The following SMAP1 variants were observed in gnomAD, a reference collection of about 807,000 sequenced individuals.
SMAP1 encodes stromal membrane-associated protein 1.
Under a neutral mutation model 58.5 loss-of-function variants are expected in SMAP1, and 24 were observed. The observed-to-expected ratio is 0.41, with a 90% CI of 0.30 to 0.58. The LOEUF is 0.58. Among genes scored for constraint, SMAP1 ranks in the 20% least tolerant of loss-of-function variants. The pLI, the probability that SMAP1 is intolerant of heterozygous loss-of-function variation, is 0.29. For synonymous variants in SMAP1, 216 were observed against 196.6 expected (o/e 1.10, Z -0.82); for missense variants, 563 against 566.3 (o/e 0.99, Z 0.06).
intron 3 of SMAP1, among the ~76,000 whole-genome samples, chr6:70,757,797 A>G (rs1414585478): frequency 3.3e-5 from 5 of 152,270 alleles, no homozygotes; most frequent in Non-Finnish European, 7.3e-5. Flanking sequence ...GATTAGAGAA[A>G]TGCAAATCAA....
chr6:70,801,957 C>T (rs901794368), intron 6 of SMAP1, among the ~76,000 whole-genome samples: 1 of 152,162 alleles, frequency 6.6e-6, no homozygotes, highest in Non-Finnish European at 1.5e-5. Flanking sequence ...GTGATGTCTC[C>T]AGCTTTGTTC....
chr6:70,791,546 A>G (rs1768352588), intron 4 of SMAP1, 143 bp from the exon 5 acceptor site: 1 of 558,192 alleles, frequency 1.8e-6, no homozygotes, highest in East Asian at 2.9e-5. Flanking sequence ...TTATTTCTTG[A>G]TGCATTGTTT....
chr6:70,828,832 C>T (rs2149990129), intron 6 of SMAP1, among the ~76,000 whole-genome samples: 1 of 152,314 alleles, frequency 6.6e-6, no homozygotes, highest in South Asian at 2.1e-4. Context: ...GGTGATTGCT[C>T]CACTGTACTC....
chr6:70,784,488 A>G (rs1323982822), intron 4 of SMAP1, among the ~76,000 whole-genome samples: 4 of 152,372 alleles, frequency 2.6e-5, no homozygotes, highest in African/African-American at 4.8e-5. Flanking sequence ...AAATGCTCCA[A>G]TTAAAAGACA....
intron 2 of SMAP1, among the ~76,000 whole-genome samples, chr6:70,736,007 G>A (rs912110162): frequency 6.6e-6 from 1 of 151,110 alleles, no homozygotes; most frequent in African/African-American, 2.4e-5. Flanking sequence ...AATGTTCTTT[G>A]TGTGTGTGTG....
intron 2 of SMAP1, among the ~76,000 whole-genome samples, chr6:70,734,264 G>C (rs1375838854): frequency 6.6e-6 from 1 of 152,032 alleles, no homozygotes; most frequent in Non-Finnish European, 1.5e-5. Flanking sequence ...TCCTGCCTCA[G>C]CCTCCCAAGT....
chr6:70,811,021 A>G (rs1047402373), intron 6 of SMAP1, among the ~76,000 whole-genome samples: 4 of 152,324 alleles, frequency 2.6e-5, no homozygotes, highest in East Asian at 3.9e-4. Flanking sequence ...ACTTCTTACA[A>G]TCAATTTTTA....
rs1768077900 is a variant in SMAP1, at chr6:70,712,050, T to G, written c.119-20328T>G. Among the ~76,000 whole-genome samples the G allele has an allele frequency of 2.0e-5, 3 of 152,172 alleles. No individual in the cohort carries two copies. In the South Asian group the frequency reaches 6.2e-4, roughly 31 times the overall value. Reference sequence around the variant, plus strand: ...TTTCAGTTTCTCCCCCACAGATTATTATGTTTGCTTTGAGTTTTTCATAAA... The same window carrying G: ...TTTCAGTTTCTCCCCCACAGATTATGATGTTTGCTTTGAGTTTTTCATAAA... On this transcript the variant is annotated intron_variant, in intron 1 of 10. Transcript: ENST00000370455.
At chr6:70,681,772 A>T in intron 1 of SMAP1, among the ~76,000 whole-genome samples, 1 of 152,154 alleles carries the variant, frequency 6.6e-6, no homozygotes, top group Non-Finnish European at 1.5e-5. Context: ...TTTCTTGAGG[A>T]GTTGTGTTAT....
chr6:70,793,287 G>A (rs1255163983), intron 5 of SMAP1, among the ~76,000 whole-genome samples: 1 of 152,050 alleles, frequency 6.6e-6, no homozygotes, highest in African/African-American at 2.4e-5. Context: ...CCCGACTCGG[G>A]CTCCCAAAGT....
At chr6:70,673,083 A>G (rs371812508) in intron 1 of SMAP1, among the ~76,000 whole-genome samples, 1 of 152,198 alleles carries the variant, frequency 6.6e-6, no homozygotes, top group Non-Finnish European at 1.5e-5. Context: ...ATGTCAATAT[A>G]TAAGTCAGGG....
At chr6:70,679,910 G>A (rs1020354211) in intron 1 of SMAP1, among the ~76,000 whole-genome samples, 2 of 151,982 alleles carry the variant, frequency 1.3e-5, no homozygotes, top group South Asian at 4.2e-4. Context: ...GAAATGCAAG[G>A]GACCTTCCAA....
chr6:70,678,145 G>A (rs1766560023), intron 1 of SMAP1, among the ~76,000 whole-genome samples: 1 of 152,146 alleles, frequency 6.6e-6, no homozygotes. Context: ...AGGGTCCGAA[G>A]GAAAGAGAAT....
intron 1 of SMAP1, among the ~76,000 whole-genome samples, chr6:70,722,987 G>A (rs1029127307): frequency 3.9e-5 from 6 of 152,196 alleles, no homozygotes; most frequent in Non-Finnish European, 8.8e-5. Context: ...CAGCAGTACC[G>A]ATTGTGCTGT....
intron 7 of SMAP1, among the ~76,000 whole-genome samples, chr6:70,841,715 G>C (rs1770814524): frequency 6.6e-6 from 1 of 152,128 alleles, no homozygotes; most frequent in Non-Finnish European, 1.5e-5. Flanking sequence ...GATGAGAAAA[G>C]TTTGCAAATT....
chr6:70,835,889 C>T (rs962652381), intron 6 of SMAP1, among the ~76,000 whole-genome samples: 7 of 152,064 alleles, frequency 4.6e-5, no homozygotes, highest in South Asian at 2.1e-4. Flanking sequence ...TTCTGTCCTA[C>T]GCAATGTTTT....
At chr6:70,760,589 A>G (rs764655498) in intron 3 of SMAP1, among the ~76,000 whole-genome samples, 11 of 152,066 alleles carry the variant, frequency 7.2e-5, no homozygotes, top group South Asian at 2.1e-4. Flanking sequence ...GAGGCTGGTA[A>G]GAAAACCGGC....
chr6:70,762,822 A>T (rs938311751), intron 3 of SMAP1, among the ~76,000 whole-genome samples: 1 of 152,070 alleles, frequency 6.6e-6, no homozygotes, highest in Non-Finnish European at 1.5e-5. Context: ...TTCTGAAAGG[A>T]TTTCTTATTG....
Position 70,860,413 on chromosome 6 carries a change from T to C in SMAP1, c.*79T>C. The C allele has an allele frequency of 6.7e-7, 1 of 1,502,202 alleles. No homozygotes were observed. The highest frequency in any genetic ancestry group is 1.4e-5 in the South Asian group (1 of 73,738). 93.1% of individuals were successfully genotyped at this position (1,502,202 alleles called of 1,614,324 possible). A position where few individuals can be genotyped will look rare whatever the true frequency, so the allele number is the denominator to read the frequency against. On this transcript the variant is annotated 3_prime_UTR_variant, in exon 11 of 11. Coordinates refer to ENST00000370455, the MANE Select transcript of SMAP1 (RefSeq NM_001044305.3). ...CGCATCTAGTTCCCCTGTTTATTCA[T>C]ATGCATATTTTTTTTCTTTTTACCC...
Sources: gnomAD v4.1 joint callset for allele counts (sites outside exome capture counted in the v4.1 genomes callset) on GRCh38, gnomAD v4.1.1 for gene constraint, MANE v1.5 for transcripts, NCBI Gene and HGNC (gene_info 2026-07-23, HGNC 2026-07-21) for gene names.